NAALADL2: variants seen among roughly 807,000 people sequenced by gnomAD.
The protein encoded by NAALADL2 is N-acetylated alpha-linked acidic dipeptidase like 2.
Under a neutral mutation model 87.2 loss-of-function variants are expected in NAALADL2, and 76 were observed. The observed-to-expected ratio is 0.87, with a 90% CI of 0.72 to 1.05. The LOEUF (loss-of-function observed/expected upper bound fraction) is 1.05. Ranked by LOEUF, NAALADL2 falls within the 50% of genes least tolerant of loss-of-function variation. NAALADL2 has a pLI of 0.00. For synonymous variants in NAALADL2, 354 were observed against 331.0 expected (o/e 1.07, Z -0.75); for missense variants, 1,089 against 945.8 (o/e 1.15, Z -1.99).
intron 13 of NAALADL2, among the ~76,000 whole-genome samples, chr3:175,758,186 G>A (rs1747522131): frequency 6.6e-6 from 1 of 151,960 alleles, no homozygotes; most frequent in Non-Finnish European, 1.5e-5. Context: ...ATTCATGCTA[G>A]TAATGTAATT....
chr3:175,630,833 T>C (rs1942253209), intron 11 of NAALADL2, among the ~76,000 whole-genome samples: 1 of 151,542 alleles, frequency 6.6e-6, no homozygotes, highest in Admixed American at 6.6e-5. Context: ...CAGTTATCAA[T>C]TATGACAAAA....
chr3:175,321,936 C>G (rs1477142255), intron 4 of NAALADL2, among the ~76,000 whole-genome samples: 1 of 150,334 alleles, frequency 6.7e-6, no homozygotes, highest in African/African-American at 2.5e-5. Context: ...AGATTCAATG[C>G]CATCCCCATC....
At chr3:174,557,423 G>A (rs978847603) in intron 2 of NAALADL2, among the ~76,000 whole-genome samples, 6 of 151,806 alleles carry the variant, frequency 4.0e-5, no homozygotes, top group African/African-American at 1.5e-4. Flanking sequence ...CACTTTTGAT[G>A]TGTTTTATTA....
chr3:175,144,820 T>A (rs1730523329), intron 2 of NAALADL2, among the ~76,000 whole-genome samples: 1 of 152,004 alleles, frequency 6.6e-6, no homozygotes, highest in Non-Finnish European at 1.5e-5. Flanking sequence ...TAATTTTTAC[T>A]CATTTAGACA....
At chr3:175,012,130 T>C (rs930004815) in intron 1 of NAALADL2, among the ~76,000 whole-genome samples, 1 of 152,150 alleles carries the variant, frequency 6.6e-6, no homozygotes, top group Admixed American at 6.6e-5. Flanking sequence ...GACAGTATTG[T>C]AAGCTAAGAT....
At chr3:174,754,757 CT>C (rs1382417501) in intron 3 of NAALADL2, among the ~76,000 whole-genome samples, 8 of 152,218 alleles carry the variant, frequency 5.3e-5, no homozygotes, top group African/African-American at 1.9e-4. Context: ...GGGTTAACAT[CT>C]ATAATTGTGG....
At chr3:175,069,563 G>A (rs1242057601) in intron 1 of NAALADL2, among the ~76,000 whole-genome samples, 6 of 150,154 alleles carry the variant, frequency 4.0e-5, no homozygotes, top group Non-Finnish European at 8.9e-5. Flanking sequence ...CAGTGTTGGT[G>A]GGACTGTAAA....
At chr3:175,296,910 C>T (rs1756460789) in intron 4 of NAALADL2, among the ~76,000 whole-genome samples, 1 of 152,066 alleles carries the variant, frequency 6.6e-6, no homozygotes, top group African/African-American at 2.4e-5. Flanking sequence ...AATGGAAGAG[C>T]AGCAGGAGCA....
intron 10 of NAALADL2, among the ~76,000 whole-genome samples, chr3:175,602,279 ATAGT>A (rs1403359615): frequency 5.3e-5 from 8 of 152,122 alleles, no homozygotes; most frequent in African/African-American, 9.7e-5. Flanking sequence ...TCATGGAGTA[ATAGT>A]TAGCATTAAT....
chr3:175,591,784 GTATATATATATA>G lies in NAALADL2; in HGVS notation c.1800+15629_1800+15640del, dbSNP rs57196350. Among the ~76,000 whole-genome samples the G allele has an allele frequency of 5.4e-3, 737 of 137,068 alleles. 1 individual carries two copies. The highest frequency in any genetic ancestry group is 0.013 in the African/African-American group (469 of 36,008). The allele number at this position is 137,068 out of a possible 152,430, so 89.9% of individuals were successfully genotyped here. On this transcript the variant is annotated intron_variant, in intron 10 of 13. Transcript: ENST00000454872. Reference sequence around the variant, plus strand: ...GCGCATGTGGTGTGTGTGTGTGTGTGTATATATATATATATATATATATATATATATATATAT... The same window carrying G: ...GCGCATGTGGTGTGTGTGTGTGTGTGTATATATATATATATATATATATAT...
intron 9 of NAALADL2, among the ~76,000 whole-genome samples, chr3:175,497,862 A>G (rs1364200879): frequency 6.6e-6 from 1 of 152,102 alleles, no homozygotes; most frequent in African/African-American, 2.4e-5. Context: ...TAAATTGGAG[A>G]TAAATAGTTT....
intron 9 of NAALADL2, among the ~76,000 whole-genome samples, chr3:175,534,653 C>CT (rs113648294): frequency 0.057 from 8,291 of 145,294 alleles, 735 homozygotes; most frequent in African/African-American, 0.19. Context: ...ATATTGTCAG[C>CT]TTTTTTTTTT....
At chr3:174,937,975 T>G (rs2108452349) in intron 1 of NAALADL2, among the ~76,000 whole-genome samples, 1 of 152,208 alleles carries the variant, frequency 6.6e-6, no homozygotes, top group South Asian at 2.1e-4. Flanking sequence ...AAGGTAATCT[T>G]TATGGTAATG....
At chr3:175,359,065 T>G (rs1174779140) in intron 5 of NAALADL2, among the ~76,000 whole-genome samples, 1 of 152,078 alleles carries the variant, frequency 6.6e-6, no homozygotes, top group Admixed American at 6.6e-5. Flanking sequence ...TTTAACATAT[T>G]AAAAATGTAG....
chr3:175,672,929 C>G (rs1045777489), intron 11 of NAALADL2, among the ~76,000 whole-genome samples: 1 of 152,022 alleles, frequency 6.6e-6, no homozygotes, highest in African/African-American at 2.4e-5. Context: ...TTCAAATTAT[C>G]AGGTTCAAAC....
At chr3:174,878,665 G>A (rs1345453287) in intron 1 of NAALADL2, among the ~76,000 whole-genome samples, 2 of 151,694 alleles carry the variant, frequency 1.3e-5, no homozygotes, top group Non-Finnish European at 2.9e-5. Flanking sequence ...TATCTGTTCT[G>A]CCGCTCTTTT....
chr3:175,558,238 T>A (rs1442196906), intron 9 of NAALADL2, among the ~76,000 whole-genome samples: 1 of 151,224 alleles, frequency 6.6e-6, no homozygotes, highest in African/African-American at 2.4e-5. Context: ...AAGAAAAATG[T>A]CTAATCAGGT....
At chr3:174,802,166 A>C (rs1439043698) in intron 3 of NAALADL2, among the ~76,000 whole-genome samples, 1 of 152,028 alleles carries the variant, frequency 6.6e-6, no homozygotes, top group South Asian at 2.1e-4. Context: ...TTAAACAATA[A>C]TTATTGTTTC....
At chr3:174,928,804 G>A (rs1736457399) in intron 1 of NAALADL2, among the ~76,000 whole-genome samples, 1 of 152,122 alleles carries the variant, frequency 6.6e-6, no homozygotes, top group African/African-American at 2.4e-5. Context: ...TATTTCATTG[G>A]TGAATGCAAT....
Sources: allele counts gnomAD v4.1 joint callset (sites outside exome capture counted in the v4.1 genomes callset), GRCh38; gene constraint gnomAD v4.1.1; transcripts MANE v1.5; gene names NCBI Gene and HGNC (gene_info 2026-07-23, HGNC 2026-07-21).